BRDT: variants seen among roughly 807,000 people sequenced by gnomAD.
BRDT encodes bromodomain testis-specific protein.
A neutral mutation model predicts 113.9 loss-of-function variants in BRDT; 77 were observed. That is an observed-to-expected ratio of 0.68 (90% CI 0.56 to 0.82). The LOEUF is 0.82. Among genes scored for constraint, BRDT ranks in the 40% least tolerant of loss-of-function variants. The probability of loss-of-function intolerance (pLI) is 0.00; values close to 1 mark genes in which losing one functional copy is unlikely to be tolerated. For synonymous variants in BRDT, 358 were observed against 366.5 expected (o/e 0.98, Z 0.26); for missense variants, 1,027 against 1,105.4 (o/e 0.93, Z 1.01).
chr1:91,986,707 T>A (rs1685274443), intron 12 of BRDT, among the ~76,000 whole-genome samples: 1 of 152,178 alleles, frequency 6.6e-6, no homozygotes, highest in South Asian at 2.1e-4. Flanking sequence ...AATTTGTAAT[T>A]TTAGTACTAC....
chr1:91,959,411 T>C (rs990090572), intron 1 of BRDT, among the ~76,000 whole-genome samples: 2 of 107,696 alleles, frequency 1.9e-5, no homozygotes, highest in Admixed American at 1.4e-4. Flanking sequence ...ATTTTTCTCT[T>C]TTTCTTTCTT....
intron 1 of BRDT, among the ~76,000 whole-genome samples, chr1:91,951,576 A>AGCCTGGCCAACATGGTGAAACCCC (rs1159986992): frequency 1.3e-5 from 2 of 151,838 alleles, no homozygotes; most frequent in Non-Finnish European, 2.9e-5. Context: ...GTTGAAGACC[A>AGCCTGGCCAACATGGTGAAACCCC]GCCTGGCCAA....
At chr1:91,964,462 C>G (rs540596302) in intron 2 of BRDT, among the ~76,000 whole-genome samples, 165 bp from the exon 3 acceptor site, 1 of 152,270 alleles carries the variant, frequency 6.6e-6, no homozygotes, top group East Asian at 1.9e-4. Context: ...TCCCGAAGTG[C>G]GGGACTACAG....
chr1:92,001,237 A>C (rs1686806522), intron 15 of BRDT, among the ~76,000 whole-genome samples: 1 of 152,208 alleles, frequency 6.6e-6, no homozygotes, highest in South Asian at 2.1e-4. Context: ...GTAATACCTG[A>C]GGATAGTTAT....
At chr1:91,954,063 C>T (rs964032557) in intron 1 of BRDT, among the ~76,000 whole-genome samples, 3 of 152,036 alleles carry the variant, frequency 2.0e-5, no homozygotes, top group Admixed American at 6.5e-5. Flanking sequence ...CCTCCCCCTC[C>T]GGGATTCAAG....
At position 91,977,167 on chromosome 1, in the gene BRDT, A is replaced by T. The variant is rs1198448611; in HGVS notation, c.743A>T (p.Asn248Ile). Reference sequence around the variant, plus strand: ...GTGGCACTGCCACCTATAAAAGAAAATATGCCAAAGAATGTTTTGCCAGAT... The same window carrying T: ...GTGGCACTGCCACCTATAAAAGAAATTATGCCAAAGAATGTTTTGCCAGAT... ...KSVALPPIKE[N>I]MPKNVLPDSQ... The change falls in exon 6 of 19, where the codon AAT (asparagine) becomes ATT (isoleucine). Residue 248 changes from asparagine (N) to isoleucine (I), a missense_variant. By Grantham distance (149) the Asn-to-Ile change is moderately radical. Transcript: ENST00000399546. 1 of 1,614,104 alleles carries T rather than the reference A, an allele frequency of 6.2e-7. No individual in the cohort carries two copies. The highest frequency in any genetic ancestry group is 1.7e-5 in the Admixed American group (1 of 60,022).
intron 1 of BRDT, among the ~76,000 whole-genome samples, chr1:91,955,425 G>A (rs1455158343): frequency 6.6e-6 from 1 of 152,168 alleles, no homozygotes; most frequent in Admixed American, 6.6e-5. Flanking sequence ...TGGCACTCCA[G>A]CCTGGGAGAC....
At chr1:91,955,918 GC>G (rs1411695750) in intron 1 of BRDT, among the ~76,000 whole-genome samples, 6 of 152,140 alleles carry the variant, frequency 3.9e-5, no homozygotes, top group African/African-American at 1.2e-4. Flanking sequence ...GCCATCTGTG[GC>G]CCTCAATTAC....
chr1:91,956,912 T>C (rs574420111), intron 1 of BRDT, among the ~76,000 whole-genome samples: 14 of 152,164 alleles, frequency 9.2e-5, no homozygotes, highest in Non-Finnish European at 1.9e-4. Flanking sequence ...GCACCCCTGC[T>C]TGGGTGACAG....
At chr1:91,971,517 G>A (rs564676033) in intron 4 of BRDT, among the ~76,000 whole-genome samples, 1 of 152,222 alleles carries the variant, frequency 6.6e-6, no homozygotes, top group South Asian at 2.1e-4. Flanking sequence ...AAATAATGTG[G>A]TTACGTACAT....
At chr1:92,011,828 G>A (rs1345321592) in intron 18 of BRDT, among the ~76,000 whole-genome samples, 1 of 152,130 alleles carries the variant, frequency 6.6e-6, no homozygotes, top group Non-Finnish European at 1.5e-5. Context: ...GCTGCCAGTC[G>A]AAAGAGCCAT....
Position 91,977,060 on chromosome 1 carries a change from G to A in BRDT, c.636G>A (p.Lys212=), listed in dbSNP as rs925717161. Residue 212 remains lysine, a synonymous_variant, in exon 6 of 19, where the codon AAG becomes AAA. Coordinates refer to ENST00000399546, the MANE Select transcript of BRDT (RefSeq NM_207189.4). ...TGTTGTAGGTTACAAAAGGTGTGAA[G>A]AGGAAAGCAGATACAACAACTCCTG... is the stretch of plus-strand genomic sequence containing the variant. The part of the protein sequence containing the change: ...QTAAQVTKGV[K]RKADTTTPAT... 1.2e-6 allele frequency: 2 copies of A among 1,603,344 alleles called. No homozygotes were observed. The highest frequency in any genetic ancestry group is 1.3e-5 in the African/African-American group (1 of 74,324).
chr1:91,973,019 T>C (rs899571205), intron 4 of BRDT, among the ~76,000 whole-genome samples: 11 of 152,126 alleles, frequency 7.2e-5, no homozygotes, highest in African/African-American at 2.7e-4. Context: ...GAAAATGTTA[T>C]TTTATATGGG....
intron 13 of BRDT, among the ~76,000 whole-genome samples, chr1:91,991,793 C>T (rs1685776437): frequency 6.6e-6 from 1 of 151,828 alleles, no homozygotes; most frequent in Non-Finnish European, 1.5e-5. Flanking sequence ...GAGATCGAGA[C>T]CATCCTGGCT....
At chr1:91,967,366 G>T (rs543021640) in intron 3 of BRDT, among the ~76,000 whole-genome samples, 1 of 150,874 alleles carries the variant, frequency 6.6e-6, no homozygotes, top group South Asian at 2.1e-4. Flanking sequence ...CTCCTGAGTA[G>T]CTGGGATTAC....
intron 16 of BRDT, among the ~76,000 whole-genome samples, chr1:92,002,802 G>A (rs1686977082): frequency 6.6e-6 from 1 of 152,144 alleles, no homozygotes; most frequent in Non-Finnish European, 1.5e-5. Context: ...TCCTAATGGA[G>A]TCTTAATGTC....
At chr1:91,986,223 TGA>T (rs1685226995) in intron 12 of BRDT, among the ~76,000 whole-genome samples, 1 of 152,214 alleles carries the variant, frequency 6.6e-6, no homozygotes, top group African/African-American at 2.4e-5. Context: ...CATAAGCTAT[TGA>T]GAGTTTTCTA....
intron 14 of BRDT, among the ~76,000 whole-genome samples, chr1:91,993,185 A>G (rs1176167248): frequency 6.6e-6 from 1 of 152,188 alleles, no homozygotes; most frequent in East Asian, 1.9e-4. Flanking sequence ...TATTGTTGTA[A>G]TAAACATTCC....
At chr1:91,949,392 A>C (rs971677564), upstream of BRDT, 1 of 152,162 alleles carries the variant, frequency 6.6e-6, no homozygotes, top group African/African-American at 2.4e-5. Context: ...CTGTCGCGCG[A>C]CCGCCATTAC....
Sources: allele counts gnomAD v4.1 joint callset (sites outside exome capture counted in the v4.1 genomes callset), GRCh38; gene constraint gnomAD v4.1.1; transcripts MANE v1.5; gene names NCBI Gene and HGNC (gene_info 2026-07-23, HGNC 2026-07-21).